The following ROBO2 variants were observed in gnomAD, a reference collection of about 807,000 sequenced individuals.
ROBO2 encodes roundabout guidance receptor 2, also known as roundabout homolog 2.
ROBO2 carries 53 observed loss-of-function variants against 160.8 expected under a neutral mutation model. The observed-to-expected ratio is 0.33, with a 90% CI of 0.26 to 0.41. The LOEUF is 0.41. Among genes scored for constraint, ROBO2 ranks in the 10% least tolerant of loss-of-function variants. ROBO2 has a pLI of 1.00. For missense variants in ROBO2, 1,577 were observed against 1,722.4 expected, an observed-to-expected ratio of 0.92 and a Z score of 1.49; for synonymous variants, 664 against 611.7, an observed-to-expected ratio of 1.09 and a Z score of -1.26.
In ROBO2 at chr3:77,617,792, T is replaced by G. The variant is rs2094813769; in HGVS notation, c.3554+19T>G. On this transcript the variant is annotated intron_variant, in intron 22 of 25. Coordinates refer to ENST00000461745, the Ensembl canonical transcript of ROBO2. Reference sequence around the variant, plus strand: ...AAACATGGTAAATATCTTCATTAAGTCAAGAGACCCATGCTTTCAACACAT... The same window carrying G: ...AAACATGGTAAATATCTTCATTAAGGCAAGAGACCCATGCTTTCAACACAT... 6.2e-7 allele frequency: 1 copy of G among 1,610,884 alleles called. No individual in the cohort carries two copies. The highest frequency in any genetic ancestry group is 1.1e-5 in the South Asian group (1 of 90,998).
intron 2 of ROBO2, among the ~76,000 whole-genome samples, chr3:76,411,522 C>T (rs554115007): frequency 6.6e-6 from 1 of 152,008 alleles, no homozygotes; most frequent in South Asian, 2.1e-4. Context: ...TTCAACTGAA[C>T]CTCATTAAAG....
At chr3:76,578,322 G>A (rs573848207) in intron 2 of ROBO2, among the ~76,000 whole-genome samples, 33 of 152,064 alleles carry the variant, frequency 2.2e-4, no homozygotes, top group Non-Finnish European at 2.9e-4. Flanking sequence ...AGGTTAAACC[G>A]CAGTTCCACA....
chr3:77,594,767 C>G (rs962160530), intron 17 of ROBO2, among the ~76,000 whole-genome samples: 51 of 152,204 alleles, frequency 3.4e-4, no homozygotes, highest in African/African-American at 1.1e-3. Flanking sequence ...CTTATGCCTT[C>G]TAATTAGGAC....
intron 2 of ROBO2, among the ~76,000 whole-genome samples, chr3:76,892,866 G>C (rs1004519159): frequency 6.6e-5 from 10 of 152,038 alleles, no homozygotes; most frequent in African/African-American, 2.2e-4. Flanking sequence ...GTCCTTTCCA[G>C]TTCTTTCTCC....
At chr3:77,340,653 G>A (rs1194599039) in intron 2 of ROBO2, among the ~76,000 whole-genome samples, 1 of 152,066 alleles carries the variant, frequency 6.6e-6, no homozygotes, top group Non-Finnish European at 1.5e-5. Context: ...GTATTCATAG[G>A]AGCCATATGT....
At chr3:77,101,768 G>A (rs2071964884) in intron 2 of ROBO2, among the ~76,000 whole-genome samples, 1 of 152,180 alleles carries the variant, frequency 6.6e-6, no homozygotes, top group Admixed American at 6.5e-5. Flanking sequence ...GGCCAGGTGT[G>A]TTGGTTCACA....
intron 2 of ROBO2, among the ~76,000 whole-genome samples, chr3:76,914,193 A>G (rs564692142): frequency 6.6e-6 from 1 of 152,304 alleles, no homozygotes; most frequent in South Asian, 2.1e-4. Context: ...GAATTTTTAA[A>G]ATGTATCCTC....
intron 2 of ROBO2, among the ~76,000 whole-genome samples, chr3:77,210,801 A>G (rs1025833520): frequency 2.1e-5 from 3 of 139,864 alleles, no homozygotes; most frequent in Non-Finnish European, 4.5e-5. Context: ...ATGAGTTCTC[A>G]TTGTTCAATT....
At chr3:77,556,120 T>C (rs749189694) in intron 8 of ROBO2, among the ~76,000 whole-genome samples, 17 of 151,916 alleles carry the variant, frequency 1.1e-4, no homozygotes, top group African/African-American at 3.6e-4. Context: ...TTTACTCTGG[T>C]AACACAGACT....
intron 2 of ROBO2, among the ~76,000 whole-genome samples, chr3:77,141,868 C>G (rs988620740): frequency 3.3e-5 from 5 of 152,306 alleles, no homozygotes; most frequent in African/African-American, 1.2e-4. Flanking sequence ...ATGAATTGCA[C>G]TAATACTGCC....
At chr3:76,021,906 G>A (rs963002440) in intron 2 of ROBO2, among the ~76,000 whole-genome samples, 1 of 149,502 alleles carries the variant, frequency 6.7e-6, no homozygotes, top group Admixed American at 6.6e-5. Flanking sequence ...TTTTCCTTTC[G>A]TGAAAGATTT....
At position 76,153,821 on chromosome 3, in the gene ROBO2, C is replaced by G. The variant is rs139650947; in HGVS notation, c.109+216219C>G. 4.2e-3 allele frequency among the ~76,000 whole-genome samples: 646 copies of G among 152,192 alleles called. 2 individuals are homozygous for G. The highest frequency in any genetic ancestry group is 0.015 in the African/African-American group (617 of 41,550). On this transcript the variant is annotated intron_variant, in intron 2 of 26. Coordinates refer to the ROBO2 transcript ENST00000487694. Reference sequence around the variant, plus strand: ...AAGTAAGATGATTTTAAACACCAGGCCTGAAAATGACTTGCATCACTTTTA... The same window carrying G: ...AAGTAAGATGATTTTAAACACCAGGGCTGAAAATGACTTGCATCACTTTTA...
intron 2 of ROBO2, among the ~76,000 whole-genome samples, chr3:76,899,437 G>T (rs17014881): frequency 0.049 from 7,478 of 152,132 alleles, 258 homozygotes; most frequent in South Asian, 0.16. Context: ...GGGTCCGAAA[G>T]TTCTCTCTTA....
intron 2 of ROBO2, among the ~76,000 whole-genome samples, chr3:77,341,870 TGTA>T (rs749835065): frequency 6.6e-6 from 1 of 152,016 alleles, no homozygotes; most frequent in Non-Finnish European, 1.5e-5. Context: ...ATAAATATAT[TGTA>T]GTTCTTTTCA....
intron 2 of ROBO2, among the ~76,000 whole-genome samples, chr3:75,978,834 C>G (rs986580598): frequency 6.6e-6 from 1 of 151,476 alleles, no homozygotes; most frequent in African/African-American, 2.4e-5. Context: ...TTGGCAAGCT[C>G]ACATCTTGTT....
chr3:77,066,880 T>C (rs908282817), intron 1 of ROBO2, among the ~76,000 whole-genome samples: 4 of 152,116 alleles, frequency 2.6e-5, no homozygotes, highest in Admixed American at 1.3e-4. Flanking sequence ...CTTGCACTAC[T>C]TTTAAAAATC....
intron 2 of ROBO2, among the ~76,000 whole-genome samples, chr3:76,708,825 T>C (rs1391326825): frequency 6.6e-6 from 1 of 152,122 alleles, no homozygotes; most frequent in African/African-American, 2.4e-5. Context: ...CAGTGCCAGA[T>C]TGACATCTTC....
chr3:76,991,904 G>T lies in ROBO2; in HGVS notation c.110-106110G>T, dbSNP rs192936248. Among the ~76,000 whole-genome samples the T allele has an allele frequency of 1.9e-3, 293 of 152,188 alleles. 2 individuals are homozygous for T. Among genetic ancestry groups the T allele is most frequent in the Middle Eastern group, 0.01 (3 of 294 alleles). ...GAGGACATATATCCTCAAATGCAGG[G>T]TTATCTGAAAAGCCTTTAATCAGAT... On this transcript the variant is annotated intron_variant, in intron 2 of 26. Transcript: ENST00000487694.
intron 6 of ROBO2, among the ~76,000 whole-genome samples, chr3:77,536,685 G>C (rs1038144501): frequency 3.3e-5 from 5 of 152,060 alleles, no homozygotes; most frequent in African/African-American, 9.7e-5. Flanking sequence ...TGACAGAAAA[G>C]AAAACCACTA....
Sources: allele counts gnomAD v4.1 joint callset (sites outside exome capture counted in the v4.1 genomes callset), GRCh38; gene constraint gnomAD v4.1.1; transcripts MANE v1.5; gene names NCBI Gene and HGNC (gene_info 2026-07-23, HGNC 2026-07-21).